RPL3L: variants seen among roughly 807,000 people sequenced by gnomAD.
RPL3L encodes the protein ribosomal protein L3 like, also known as ribosomal protein uL3-like.
A neutral mutation model predicts 44.5 loss-of-function variants in RPL3L; 44 were observed. The observed-to-expected ratio is 0.99, with a 90% confidence interval of 0.78 to 1.27. The LOEUF (loss-of-function observed/expected upper bound fraction) is 1.27. Among genes scored for constraint, RPL3L ranks in the 50% most tolerant of loss-of-function variants. The pLI, the probability that RPL3L is intolerant of heterozygous loss-of-function variation, is 0.00. For synonymous variants in RPL3L, 292 were observed against 230.7 expected, an observed-to-expected ratio of 1.27 and a Z score of -2.41; for missense variants, 631 against 569.1, an observed-to-expected ratio of 1.11 and a Z score of -1.11.
At chr16:1,952,051 C>T (rs750201412) in intron 3 of RPL3L, among the ~76,000 whole-genome samples, 6 of 151,974 alleles carry the variant, frequency 3.9e-5, no homozygotes, top group Admixed American at 2.0e-4. Flanking sequence ...CAGGCTCAAG[C>T]GATTCTCCTG....
At chr16:1,953,379 C>T (rs886955368) in intron 2 of RPL3L, among the ~76,000 whole-genome samples, 6 of 152,134 alleles carry the variant, frequency 3.9e-5, no homozygotes, top group African/African-American at 1.4e-4. Context: ...GCCACAACGC[C>T]CAGCTAATTT....
chr16:1,947,864 G>A (rs1052033649), intron 4 of RPL3L, among the ~76,000 whole-genome samples: 2 of 152,110 alleles, frequency 1.3e-5, no homozygotes, highest in Non-Finnish European at 2.9e-5. Flanking sequence ...GGGGAGCAAG[G>A]GGCGTGGGCC....
Position 1,944,869 on chromosome 16 carries a change from T to C in RPL3L, c.1192A>G (p.Lys398Glu). The change falls in exon 10 of 10, where the codon AAG becomes GAG. Residue 398 changes from lysine to glutamate, a missense_variant. By Grantham distance (56) the Lys-to-Glu change is moderately conservative. Transcript: ENST00000268661. Reference protein sequence around the residue: ...FMGPQKKHLEKETPETSGDL With the variant: ...FMGPQKKHLEEETPETSGDL The stretch of plus-strand genomic sequence containing the variant: ...TCTCCCGAGGTCTCCGGCGTTTCCT[T>C]CTCCAGATGCTTCTTTTGGGGGCCC... 1.2e-6 allele frequency: 2 copies of C among 1,614,036 alleles called. No homozygotes were observed. The highest frequency in any genetic ancestry group is 1.7e-6 in the Non-Finnish European group (2 of 1,180,012).
intron 4 of RPL3L, 93 bp downstream of exon 4, chr16:1,950,751 A>AT (rs1403175028): frequency 6.3e-7 from 1 of 1,596,046 alleles, no homozygotes; most frequent in Non-Finnish European, 8.6e-7. Flanking sequence ...AGGCTCGGGT[A>AT]TTTTTAGGCT....
chr16:1,950,316 C>T (rs907528196), intron 4 of RPL3L, among the ~76,000 whole-genome samples: 1 of 151,924 alleles, frequency 6.6e-6, no homozygotes, highest in African/African-American at 2.4e-5. Context: ...ACACCAGTGA[C>T]TGGCCCAGGC....
chr16:1,952,721 A>ACT (rs1461472162), intron 3 of RPL3L, among the ~76,000 whole-genome samples, 153 bp downstream of exon 3: 3 of 152,058 alleles, frequency 2.0e-5, no homozygotes, highest in African/African-American at 7.2e-5. Flanking sequence ...ACACACACAC[A>ACT]CACACACACA....
chr16:1,947,297 G>A lies in RPL3L; in HGVS notation c.585C>T (p.Ala195=), dbSNP rs1022541628. ...LNGGTVAEKV[A]WAQARLEKQV... ...GCTTCTCCAGCCGGGCCTGGGCCCA[G>A]GCCACCTTCTCGGCCACCGTGCCAC... is the stretch of plus-strand genomic sequence containing the variant. The change falls in exon 5 of 10, where the codon GCC becomes GCT. Residue 195 remains alanine (A), a synonymous_variant. Coordinates refer to ENST00000268661, the MANE Select transcript of RPL3L (RefSeq NM_005061.3). The A allele has an allele frequency of 3.1e-6, 5 of 1,612,960 alleles. No homozygotes were observed. The Admixed American group carries it at 8.3e-5, about 27-fold the overall frequency.
At chr16:1,951,308 G>T (rs1342397823) in intron 3 of RPL3L, among the ~76,000 whole-genome samples, 2 of 152,228 alleles carry the variant, frequency 1.3e-5, no homozygotes, top group African/African-American at 4.8e-5. Context: ...CTGCCACATG[G>T]CTCAGACTGC....
intron 3 of RPL3L, among the ~76,000 whole-genome samples, chr16:1,951,892 A>G (rs1262336271): frequency 6.6e-6 from 1 of 151,748 alleles, no homozygotes; most frequent in Non-Finnish European, 1.5e-5. Flanking sequence ...ACTTTTCACA[A>G]TGGCTGCTAG....
rs146742423 is a variant in RPL3L, at chr16:1,945,891, C to A, written c.991G>T (p.Val331Phe). 5.0e-6 allele frequency: 8 copies of A among 1,613,666 alleles called. No homozygotes were observed. The highest frequency in any genetic ancestry group is 4.5e-5 in the East Asian group (2 of 44,874). ...CCAGCAATACAACCCTTCAGCATGA[C>A]GAAGTCGTTGTTCACTTCCCCGTAG... ...PHYGEVNNDF[V>F]MLKGCIAGTK... Residue 331 changes from valine to phenylalanine, a missense_variant, in exon 8 of 10, where the codon GTC becomes TTC. By Grantham distance (50) the Val-to-Phe change is conservative. Coordinates refer to ENST00000268661, the MANE Select transcript of RPL3L (RefSeq NM_005061.3).
At position 1,947,178 on chromosome 16, in the gene RPL3L, CCTCA is replaced by C. The variant is rs750879423; in HGVS notation, c.688+12_688+15del. ...AGGCAGCCTGCCCTGGAGCTGCCAT[CCTCA>C]CTGAGCCCTACCTTTGACGCCTCGA... On this transcript the variant is annotated intron_variant, in intron 5 of 9. Transcript: ENST00000268661. The C allele has an allele frequency of 2.5e-6, 4 of 1,612,408 alleles. No individual in the cohort carries two copies. In the South Asian group the frequency reaches 3.3e-5, roughly 13 times the overall value.
intron 9 of RPL3L, 58 bp from the exon 10 acceptor site, chr16:1,944,951 C>A: frequency 6.2e-7 from 1 of 1,608,052 alleles, no homozygotes; most frequent in Non-Finnish European, 8.5e-7. Context: ...AACACGCCCT[C>A]CCCCAGCCAG....
chr16:1,944,742 GCT>G lies in RPL3L; in HGVS notation c.*93_*94del, dbSNP rs2083107328. On this transcript the variant is annotated 3_prime_UTR_variant, in exon 10 of 10. Coordinates refer to ENST00000268661, the MANE Select transcript of RPL3L (RefSeq NM_005061.3). ...TGAACCCCTTGGGCGGTTACACAGC[GCT>G]CTGAGACCTCGCAGGAAGAGTCGCC... 1 of 1,537,110 alleles carries G rather than the reference GCT, an allele frequency of 6.5e-7. No homozygotes were observed. The highest frequency in any genetic ancestry group is 2.3e-5 in the East Asian group (1 of 44,356).
intron 3 of RPL3L, 24 bp downstream of exon 3, chr16:1,952,850 G>T: frequency 6.2e-7 from 1 of 1,612,392 alleles, no homozygotes; most frequent in South Asian, 1.1e-5. Flanking sequence ...GCCCTTGGAC[G>T]GCCCAGCCAA....
intron 2 of RPL3L, among the ~76,000 whole-genome samples, chr16:1,953,301 C>A (rs139768810): frequency 1.2e-3 from 180 of 152,308 alleles, no homozygotes; most frequent in Non-Finnish European, 2.0e-3. Flanking sequence ...CTCACTGCAG[C>A]CTTGACTTCC....
rs530697849 is a variant in RPL3L, at chr16:1,944,532, C to G, written c.*305G>C. On this transcript the variant is annotated 3_prime_UTR_variant, in exon 10 of 10. Coordinates refer to ENST00000268661, the MANE Select transcript of RPL3L (RefSeq NM_005061.3). ...ACTCCAGCAGCCTGGGCGACAAGAT[C>G]AAGACTCTCTCAAAAAAAAAAAAAA... The G allele has an allele frequency of 8.2e-5, 20 of 242,850 alleles. No individual in the cohort carries two copies. The highest frequency in any genetic ancestry group is 1.4e-3 in the Middle Eastern group (1 of 726). 15.0% of individuals were successfully genotyped at this position (242,850 alleles called of 1,614,324 possible).
At chr16:1,952,765 C>A in intron 3 of RPL3L, 109 bp downstream of exon 3, 2 of 1,293,774 alleles carry the variant, frequency 1.5e-6, no homozygotes, top group Admixed American at 4.2e-5. Flanking sequence ...GTTGAGACTT[C>A]GCTTCCTACT....
chr16:1,952,522 G>A (rs960852198), intron 3 of RPL3L, among the ~76,000 whole-genome samples: 6 of 151,488 alleles, frequency 4.0e-5, no homozygotes, highest in Non-Finnish European at 8.8e-5. Flanking sequence ...CTACAGGTGC[G>A]CACCACCCCA....
At position 1,954,151 on chromosome 16, in the gene RPL3L, G is replaced by A. The variant is rs769048995; in HGVS notation, c.4-3C>T. 65 of 1,569,168 alleles carry A rather than the reference G, an allele frequency of 4.1e-5. No homozygotes were observed. In the South Asian group the frequency reaches 6.7e-4, roughly 16 times the overall value. On this transcript the variant is annotated splice_region_variant and splice_polypyrimidine_tract_variant and intron_variant, in intron 1 of 9. Transcript: ENST00000268661. ...GGGGCGGAAAACTTCCGGTGGGACT[G>A]GGGGGCAGGAAGGAAGGAGGTCAGA...
Sources: allele counts gnomAD v4.1 joint callset (sites outside exome capture counted in the v4.1 genomes callset), GRCh38; gene constraint gnomAD v4.1.1; transcripts MANE v1.5; gene names NCBI Gene and HGNC (gene_info 2026-07-23, HGNC 2026-07-21).